Variants in MIPOL1 observed in about 807,000 individuals in gnomAD.
MIPOL1 encodes the protein mirror-image polydactyly 1.
A neutral mutation model predicts 60.9 loss-of-function variants in MIPOL1; 57 were observed. The ratio of observed to expected loss-of-function variants is 0.94; its 90% CI spans 0.76 to 1.17. MIPOL1 has a LOEUF of 1.17. Among genes scored for constraint, MIPOL1 ranks in the 50% most tolerant of loss-of-function variants. The pLI, the probability that MIPOL1 is intolerant of heterozygous loss-of-function variation, is 0.00. For synonymous variants in MIPOL1, 179 were observed against 168.8 expected, an observed-to-expected ratio of 1.06 and a Z score of -0.47; for missense variants, 551 against 511.6, an observed-to-expected ratio of 1.08 and a Z score of -0.74.
At chr14:37,208,051 T>G (rs570324790) in intron 1 of MIPOL1, among the ~76,000 whole-genome samples, 25 of 152,226 alleles carry the variant, frequency 1.6e-4, no homozygotes, top group Non-Finnish European at 3.4e-4. Flanking sequence ...TAGATCTGCT[T>G]TAGGCTGTTG....
intron 11 of MIPOL1, among the ~76,000 whole-genome samples, chr14:37,470,909 C>CA (rs1269554696): frequency 7.9e-5 from 12 of 152,134 alleles, no homozygotes; most frequent in Non-Finnish European, 1.3e-4. Flanking sequence ...TCTTTTAATG[C>CA]AAAAGAGAGT....
intron 11 of MIPOL1, among the ~76,000 whole-genome samples, chr14:37,457,053 A>G (rs2094484334): frequency 6.6e-6 from 1 of 152,166 alleles, no homozygotes; most frequent in South Asian, 2.1e-4. Flanking sequence ...TTAGAGCTAT[A>G]CATAATGTAA....
At chr14:37,354,076 G>A (rs1471454551) in intron 9 of MIPOL1, among the ~76,000 whole-genome samples, 1 of 150,206 alleles carries the variant, frequency 6.7e-6, no homozygotes, top group African/African-American at 2.4e-5. Context: ...ACACTGCTTT[G>A]AATGTGTCCC....
intron 1 of MIPOL1, among the ~76,000 whole-genome samples, chr14:37,240,930 CACACACACAT>C (rs1972245837): frequency 7.5e-6 from 1 of 133,868 alleles, no homozygotes; most frequent in African/African-American, 3.3e-5. Context: ...GTAGGTGACA[CACACACACAT>C]ACACACACAC....
At chr14:37,305,276 A>G (rs1040688332) in intron 7 of MIPOL1, among the ~76,000 whole-genome samples, 3 of 151,842 alleles carry the variant, frequency 2.0e-5, no homozygotes, top group Non-Finnish European at 2.9e-5. Context: ...AATTATGGCA[A>G]ATATTCCAAA....
intron 9 of MIPOL1, among the ~76,000 whole-genome samples, chr14:37,365,400 G>T (rs10132039): frequency 0.66 from 100,928 of 151,890 alleles, 33,634 homozygotes; most frequent in African/African-American, 0.69. Context: ...CCAATTTTTT[G>T]AGTGTTTTTA....
intron 6 of MIPOL1, 74 bp downstream of exon 6, chr14:37,270,599 T>C: frequency 1.5e-6 from 1 of 645,580 alleles, no homozygotes. Flanking sequence ...TCTTGGTGAA[T>C]ACTAGCATAC....
At chr14:37,453,687 A>G (rs1382273035) in intron 11 of MIPOL1, among the ~76,000 whole-genome samples, 1 of 152,170 alleles carries the variant, frequency 6.6e-6, no homozygotes, top group Non-Finnish European at 1.5e-5. Flanking sequence ...TTTTAATATT[A>G]TCTACACATT....
intron 9 of MIPOL1, among the ~76,000 whole-genome samples, chr14:37,356,423 G>T (rs1455860218): frequency 6.6e-6 from 1 of 152,084 alleles, no homozygotes; most frequent in African/African-American, 2.4e-5. Flanking sequence ...CTTGAGCTGT[G>T]GTGGGCTCCA....
chr14:37,311,750 T>G (rs1209674778), intron 9 of MIPOL1, among the ~76,000 whole-genome samples: 1 of 152,198 alleles, frequency 6.6e-6, no homozygotes, highest in Non-Finnish European at 1.5e-5. Flanking sequence ...TTTTGTTATC[T>G]TAAATCATTG....
intron 10 of MIPOL1, among the ~76,000 whole-genome samples, chr14:37,387,696 C>G (rs1409873784): frequency 7.2e-5 from 11 of 151,902 alleles, no homozygotes; most frequent in African/African-American, 2.7e-4. Context: ...ACGTATCTGT[C>G]TCAAGGACAT....
intron 9 of MIPOL1, among the ~76,000 whole-genome samples, chr14:37,364,672 G>C (rs1374645265): frequency 6.6e-6 from 1 of 152,072 alleles, no homozygotes; most frequent in African/African-American, 2.4e-5. Flanking sequence ...CTCCAGTTTT[G>C]TTCTTTTTGC....
intron 1 of MIPOL1, among the ~76,000 whole-genome samples, chr14:37,218,371 A>G (rs2139448324): frequency 6.6e-6 from 1 of 150,740 alleles, no homozygotes; most frequent in South Asian, 2.1e-4. Flanking sequence ...TTTTTTTAAT[A>G]GAGGTGGGGT....
chr14:37,267,852 T>C (rs542979838), intron 4 of MIPOL1, among the ~76,000 whole-genome samples: 58 of 152,258 alleles, frequency 3.8e-4, no homozygotes, highest in South Asian at 1.2e-3. Context: ...TGCATTTTGG[T>C]TTGGGTTAGC....
chr14:37,419,174 A>G (rs1358570780), intron 10 of MIPOL1, among the ~76,000 whole-genome samples: 3 of 152,236 alleles, frequency 2.0e-5, no homozygotes, highest in South Asian at 4.1e-4. Flanking sequence ...GTATAAAAGA[A>G]TAAACTACCA....
At chr14:37,431,880 C>T (rs113967572) in intron 11 of MIPOL1, among the ~76,000 whole-genome samples, 2 of 151,992 alleles carry the variant, frequency 1.3e-5, no homozygotes, top group East Asian at 1.9e-4. Context: ...CCACTACGCC[C>T]GGCCCTGTTT....
chr14:37,237,757 C>T (rs1971714649), intron 1 of MIPOL1, among the ~76,000 whole-genome samples: 1 of 152,074 alleles, frequency 6.6e-6, no homozygotes, highest in Non-Finnish European at 1.5e-5. Context: ...TTGTGTCTGG[C>T]TAAGACACTG....
intron 11 of MIPOL1, among the ~76,000 whole-genome samples, chr14:37,445,579 G>A (rs898127592): frequency 2.6e-5 from 4 of 151,368 alleles, no homozygotes; most frequent in Non-Finnish European, 5.9e-5. Flanking sequence ...CTACTTTAAA[G>A]TTCATATGGA....
intron 11 of MIPOL1, among the ~76,000 whole-genome samples, chr14:37,480,549 G>C (rs1259625450): frequency 1.3e-5 from 2 of 150,758 alleles, no homozygotes; most frequent in East Asian, 1.9e-4. Context: ...GGTATAGAAA[G>C]AATGTACCTC....
Sources: allele counts gnomAD v4.1 joint callset (sites outside exome capture counted in the v4.1 genomes callset), GRCh38; gene constraint gnomAD v4.1.1; transcripts MANE v1.5; gene names NCBI Gene and HGNC (gene_info 2026-07-23, HGNC 2026-07-21).